The following DEF8 variants were observed in gnomAD, a reference collection of about 807,000 sequenced individuals.
DEF8 encodes differentially expressed in FDCP 8 homolog.
Under a neutral mutation model 59.1 loss-of-function variants are expected in DEF8, and 38 were observed. The ratio of observed to expected loss-of-function variants is 0.64; its 90% CI spans 0.50 to 0.84. The LOEUF (loss-of-function observed/expected upper bound fraction) is 0.84, where lower values mean the gene tolerates loss of function less well. DEF8 is among the 40% of genes least tolerant of loss of function. The pLI, the probability that DEF8 is intolerant of heterozygous loss-of-function variation, is 0.00. For missense variants in DEF8, 557 were observed against 615.2 expected, an observed-to-expected ratio of 0.91 and a Z score of 1.00; for synonymous variants, 265 against 250.1, an observed-to-expected ratio of 1.06 and a Z score of -0.56.
At chr16:89,958,039 T>C (rs77522907) in intron 5 of DEF8, 8,332 of 168,508 alleles carry the variant, frequency 0.049, 377 homozygotes, top group East Asian at 0.24. Flanking sequence ...GCAGAGACGG[T>C]CCCGGCAACC....
At chr16:89,958,895 A>G in intron 5 of DEF8, 119 bp from the exon 6 acceptor site, 1 of 1,519,072 alleles carries the variant, frequency 6.6e-7, no homozygotes, top group East Asian at 2.3e-5. Context: ...CATTGTGCTG[A>G]AACTCACAAT....
chr16:89,950,553 A>G (rs1043740054), intron 2 of DEF8, among the ~76,000 whole-genome samples: 19 of 152,012 alleles, frequency 1.2e-4, no homozygotes, highest in African/African-American at 4.6e-4. Flanking sequence ...ATGCCCAGCT[A>G]ATTTGTTTGT....
intron 7 of DEF8, 62 bp downstream of exon 7, chr16:89,961,157 C>G (rs1046836247): frequency 6.4e-7 from 1 of 1,573,458 alleles, no homozygotes; most frequent in African/African-American, 1.3e-5. Context: ...GCCGGGTGCA[C>G]AGGTGTGTAA....
intron 4 of DEF8, 79 bp downstream of exon 4, chr16:89,955,345 C>A: frequency 8.2e-7 from 1 of 1,222,370 alleles, no homozygotes. Context: ...CTTGTCACTC[C>A]CTCCCAGGTG....
chr16:89,962,159 G>A (rs767109215), intron 9 of DEF8, 34 bp downstream of exon 9: 2 of 1,584,854 alleles, frequency 1.3e-6, no homozygotes, highest in Admixed American at 1.7e-5. Context: ...GGGGGCGGGG[G>A]CGCTGTGTCA....
chr16:89,962,581 G>A (rs139862600), intron 9 of DEF8, among the ~76,000 whole-genome samples: 5 of 152,070 alleles, frequency 3.3e-5, no homozygotes, highest in African/African-American at 1.2e-4. Flanking sequence ...ACTTGAACCC[G>A]GGAGGCTGAG....
intron 9 of DEF8, among the ~76,000 whole-genome samples, chr16:89,962,672 G>A (rs1356233686): frequency 3.3e-5 from 5 of 152,196 alleles, no homozygotes; most frequent in Non-Finnish European, 7.4e-5. Flanking sequence ...AAAGTAAAAA[G>A]AAACAAGTGA....
chr16:89,949,488 C>A lies in DEF8; in HGVS notation c.-36C>A, dbSNP rs556919105. On this transcript the variant is annotated 5_prime_UTR_variant, in exon 2 of 13. Coordinates refer to ENST00000563594, the MANE Select transcript of DEF8 (RefSeq NM_001242818.2). ...GGAATGGCCATCCTGTCCCTGCGAGCCCCTGGGCCCTGGCAGGCGATGCAG... is the reference window on the plus strand; with the variant it reads ...GGAATGGCCATCCTGTCCCTGCGAGACCCTGGGCCCTGGCAGGCGATGCAG... The A allele has an allele frequency of 3.3e-5, 54 of 1,612,892 alleles. No homozygotes were observed. The highest frequency in any genetic ancestry group is 4.5e-5 in the Non-Finnish European group (53 of 1,179,894).
rs376968565 is a variant in DEF8 at position 89,962,124 on chromosome 16, G to A, written c.920G>A (p.Arg307His). The A allele has an allele frequency of 5.0e-6, 8 of 1,613,164 alleles. No homozygotes were observed. The highest frequency in any genetic ancestry group is 2.2e-5 in the East Asian group (1 of 44,818). Reference sequence around the variant, plus strand: ...TACGTGGAGGAGCTGGTGGAGATTCGCGTGAGGCTGGGGCCATGGAAGTGG... The same window carrying A: ...TACGTGGAGGAGCTGGTGGAGATTCACGTGAGGCTGGGGCCATGGAAGTGG... ...FSYVEELVEI[R>H]KLRQDILLMK... Residue 307 changes from arginine to histidine, a missense_variant and splice_region_variant, in exon 9 of 13, where the codon CGC (arginine) becomes CAC (histidine). Arg to His is a conservative substitution (Grantham distance 29, BLOSUM62 0). Transcript: ENST00000563594.
intron 11 of DEF8, 34 bp from the exon 12 acceptor site, chr16:89,964,432 T>C: frequency 2.6e-6 from 4 of 1,560,970 alleles, no homozygotes; most frequent in Non-Finnish European, 3.5e-6. Flanking sequence ...GGCACTGACG[T>C]GCCCGTGCCC....
At chr16:89,959,560 TCTC>T (rs774979159) in intron 6 of DEF8, among the ~76,000 whole-genome samples, 71 of 152,350 alleles carry the variant, frequency 4.7e-4, no homozygotes, top group Middle Eastern at 3.4e-3. Flanking sequence ...AGTGGTGCAA[TCTC>T]AGCTCACTGC....
intron 12 of DEF8, among the ~76,000 whole-genome samples, chr16:89,965,281 T>TC (rs975632227): frequency 6.6e-6 from 1 of 151,982 alleles, no homozygotes; most frequent in East Asian, 1.9e-4. Flanking sequence ...AGATGGACAC[T>TC]CCCCCCCAGT....
intron 12 of DEF8, among the ~76,000 whole-genome samples, chr16:89,965,645 G>A (rs2034542139): frequency 6.6e-6 from 1 of 152,096 alleles, no homozygotes; most frequent in Admixed American, 6.5e-5. Flanking sequence ...GTGGTTGGGG[G>A]ATAGCAGGTA....
intron 12 of DEF8, among the ~76,000 whole-genome samples, chr16:89,965,350 C>T (rs1194267569): frequency 6.6e-6 from 1 of 152,164 alleles, no homozygotes; most frequent in Admixed American, 6.5e-5. Flanking sequence ...GCTGAAATCC[C>T]AGCTCTACAG....
chr16:89,958,871 G>A, intron 5 of DEF8, 143 bp from the exon 6 acceptor site: 1 of 1,480,210 alleles, frequency 6.8e-7, no homozygotes, highest in Non-Finnish European at 9.0e-7. Flanking sequence ...GTGAAAGGGA[G>A]AAAAGGGACA....
In DEF8 at chr16:89,966,012, C is replaced by G. The variant is rs752922695; in HGVS notation, c.*49C>G. The G allele has an allele frequency of 2.8e-6, 4 of 1,426,428 alleles. No individual in the cohort carries two copies. In the South Asian group the frequency reaches 4.7e-5, roughly 17 times the overall value. The allele number at this position is 1,426,428 out of a possible 1,614,324, so 88.4% of individuals were successfully genotyped here. ...CCCGCCTGGCCCGCCAGGACCCACCCTGCCAACATCAAGTTGTTCCTTCTG... is the reference window on the plus strand; with the variant it reads ...CCCGCCTGGCCCGCCAGGACCCACCGTGCCAACATCAAGTTGTTCCTTCTG... On this transcript the variant is annotated 3_prime_UTR_variant, in exon 13 of 13. Transcript: ENST00000563594.
At chr16:89,959,187 TGA>T (rs1390970978) in intron 6 of DEF8, 32 bp downstream of exon 6, 2 of 1,613,500 alleles carry the variant, frequency 1.2e-6, no homozygotes, top group Non-Finnish European at 1.7e-6. Flanking sequence ...GAGTGAGGAA[TGA>T]GAGAGACCAA....
At chr16:89,950,528 C>T (rs972537721) in intron 2 of DEF8, among the ~76,000 whole-genome samples, 13 of 152,054 alleles carry the variant, frequency 8.5e-5, no homozygotes, top group African/African-American at 3.1e-4. Context: ...AGCTGGATTA[C>T]AGGCATGCAC....
chr16:89,956,266 C>T (rs892209106), intron 4 of DEF8, among the ~76,000 whole-genome samples: 1 of 151,684 alleles, frequency 6.6e-6, no homozygotes, highest in African/African-American at 2.4e-5. Context: ...ACCAGCCTGA[C>T]CAACATGCTG....
Sources: gnomAD v4.1 joint callset for allele counts (sites outside exome capture counted in the v4.1 genomes callset) on GRCh38, gnomAD v4.1.1 for gene constraint, MANE v1.5 for transcripts, NCBI Gene and HGNC (gene_info 2026-07-23, HGNC 2026-07-21) for gene names.